Variants in TRPM3 observed in about 807,000 individuals in gnomAD.
The protein encoded by TRPM3 is long transient receptor potential channel 3.
TRPM3 carries 77 observed loss-of-function variants against 181.2 expected under a neutral mutation model. That is an observed-to-expected ratio of 0.42 (90% CI 0.35 to 0.51). The LOEUF (loss-of-function observed/expected upper bound fraction) is 0.51, where lower values mean the gene tolerates loss of function less well. Ranked by LOEUF, TRPM3 falls within the 20% of genes least tolerant of loss-of-function variation. The probability of loss-of-function intolerance (pLI) is 0.01; values close to 1 mark genes in which losing one functional copy is unlikely to be tolerated. For synonymous variants in TRPM3, 745 were observed against 796.4 expected, an observed-to-expected ratio of 0.94 and a Z score of 1.09; for missense variants, 1,759 against 2,196.7, an observed-to-expected ratio of 0.80 and a Z score of 3.98.
Position 71,441,430 on chromosome 9 carries a change from T to A in TRPM3, c.183+5223A>T, listed in dbSNP as rs1455357255. The stretch of plus-strand genomic sequence containing the variant: ...CTCTGCTTTCATCAGGAGAGCCCTT[T>A]GTGTAACAAGAACAAACTACTAAAG... On this transcript the variant is annotated intron_variant, in intron 1 of 24. Transcript: ENST00000357533. 2.0e-5 allele frequency among the ~76,000 whole-genome samples: 3 copies of A among 152,320 alleles called. No individual in the cohort carries two copies. In the East Asian group the frequency reaches 5.8e-4, roughly 29 times the overall value.
intron 1 of TRPM3, among the ~76,000 whole-genome samples, chr9:71,224,478 T>G (rs1341744673): frequency 6.6e-6 from 1 of 152,182 alleles, no homozygotes; most frequent in African/African-American, 2.4e-5. Flanking sequence ...GTATCTAATT[T>G]TTCAATGCCC....
At chr9:71,285,601 A>G (rs939750040) in intron 1 of TRPM3, among the ~76,000 whole-genome samples, 2 of 152,188 alleles carry the variant, frequency 1.3e-5, no homozygotes, top group African/African-American at 2.4e-5. Flanking sequence ...ATAAAAGGCC[A>G]TTTCATCTCA....
At chr9:70,975,856 C>T (rs1047793728) in intron 1 of TRPM3, among the ~76,000 whole-genome samples, 4 of 152,216 alleles carry the variant, frequency 2.6e-5, no homozygotes, top group African/African-American at 9.6e-5. Flanking sequence ...CCTAACTCCT[C>T]AAAGCCCAGG....
intron 1 of TRPM3, among the ~76,000 whole-genome samples, chr9:71,034,733 T>C (rs994782941): frequency 1.3e-5 from 2 of 151,778 alleles, no homozygotes; most frequent in Non-Finnish European, 2.9e-5. Flanking sequence ...TCAACAATGC[T>C]ACCAATTGGG....
intron 1 of TRPM3, among the ~76,000 whole-genome samples, chr9:71,021,894 G>C (rs1304471024): frequency 6.6e-6 from 1 of 152,096 alleles, no homozygotes; most frequent in Non-Finnish European, 1.5e-5. Context: ...ATTCAAAGTT[G>C]ATAAACCAAG....
chr9:71,220,928 G>A (rs557300231), intron 1 of TRPM3, among the ~76,000 whole-genome samples: 1 of 151,972 alleles, frequency 6.6e-6, no homozygotes, highest in South Asian at 2.1e-4. Context: ...ATGCAAATCA[G>A]TTGTTTTCAT....
intron 22 of TRPM3, among the ~76,000 whole-genome samples, chr9:70,578,751 T>C (rs930416185): frequency 1.3e-5 from 2 of 152,262 alleles, no homozygotes; most frequent in South Asian, 4.1e-4. Flanking sequence ...CTACATTGTG[T>C]CATCTCTTTC....
intron 1 of TRPM3, among the ~76,000 whole-genome samples, chr9:71,065,654 C>T (rs1329244818): frequency 6.6e-6 from 1 of 152,164 alleles, no homozygotes; most frequent in Non-Finnish European, 1.5e-5. Context: ...TATCACTCAT[C>T]AAATCACTTC....
At chr9:71,092,882 T>TG (rs1299343353) in intron 1 of TRPM3, among the ~76,000 whole-genome samples, 1 of 152,148 alleles carries the variant, frequency 6.6e-6, no homozygotes, top group Non-Finnish European at 1.5e-5. Context: ...AGCATGGTAC[T>TG]GGTACCAAAA....
chr9:70,884,827 T>C (rs1589522240), intron 1 of TRPM3, among the ~76,000 whole-genome samples: 1 of 152,196 alleles, frequency 6.6e-6, no homozygotes, highest in Non-Finnish European at 1.5e-5. Context: ...GAGGCAAAAC[T>C]CCTGCTAAAA....
chr9:71,020,409 T>C (rs1237032158), intron 1 of TRPM3, among the ~76,000 whole-genome samples: 2 of 151,778 alleles, frequency 1.3e-5, no homozygotes, highest in Admixed American at 6.6e-5. Flanking sequence ...GCCCAGGAGA[T>C]TGAGGCTATG....
At chr9:71,122,371 T>G (rs1005233585), upstream of TRPM3, among the ~76,000 whole-genome samples, 1 of 152,212 alleles carries the variant, frequency 6.6e-6, no homozygotes, top group African/African-American at 2.4e-5. Context: ...TAATTTCACA[T>G]AGTAAGTTGG....
intron 1 of TRPM3, among the ~76,000 whole-genome samples, chr9:71,406,909 G>T (rs1234561433): frequency 6.6e-6 from 1 of 152,128 alleles, no homozygotes; most frequent in Non-Finnish European, 1.5e-5. Context: ...GGGGAATTCA[G>T]GGGCCAGTAT....
At chr9:71,005,596 C>T (rs1413074768) in intron 1 of TRPM3, among the ~76,000 whole-genome samples, 1 of 151,982 alleles carries the variant, frequency 6.6e-6, no homozygotes, top group East Asian at 1.9e-4. Context: ...AGCAGAAACC[C>T]TGTAGGCTGA....
At chr9:70,985,397 G>A (rs1413619465) in intron 1 of TRPM3, among the ~76,000 whole-genome samples, 2 of 152,104 alleles carry the variant, frequency 1.3e-5, no homozygotes, top group African/African-American at 4.8e-5. Flanking sequence ...TGAGGAAGAG[G>A]CCAACAAAAT....
intron 8 of TRPM3, among the ~76,000 whole-genome samples, chr9:70,686,702 CTTCCTTCCTTCCT>C: frequency 1.0e-5 from 1 of 96,106 alleles, no homozygotes; most frequent in East Asian, 2.8e-4. Flanking sequence ...TCCTTCCTTC[CTTCCTTCCTTCCT>C]TCCTTCCTTC....
chr9:70,787,763 C>CTTTTTTTTTTTTTTTTTTTTCTTTTTTA (rs2084054300), intron 6 of TRPM3, among the ~76,000 whole-genome samples: 1 of 68,558 alleles, frequency 1.5e-5, no homozygotes, highest in African/African-American at 5.8e-5. Context: ...TTTTTGGATT[C>CTTTTTTTTTTTTTTTTTTTTCTTTTTTA]TTTTTTTTTT....
At chr9:70,667,472 T>C (rs1048030738) in intron 9 of TRPM3, among the ~76,000 whole-genome samples, 3 of 152,198 alleles carry the variant, frequency 2.0e-5, no homozygotes, top group African/African-American at 7.2e-5. Flanking sequence ...TCCTTCCCCT[T>C]GCATGGCCCT....
At chr9:70,555,235 C>T (rs886247599) in intron 22 of TRPM3, among the ~76,000 whole-genome samples, 2 of 152,346 alleles carry the variant, frequency 1.3e-5, no homozygotes, top group African/African-American at 4.8e-5. Context: ...CTTTAGTGCT[C>T]ACCTGGCTTT....
Sources: gnomAD v4.1 joint callset for allele counts (sites outside exome capture counted in the v4.1 genomes callset) on GRCh38, gnomAD v4.1.1 for gene constraint, MANE v1.5 for transcripts, NCBI Gene and HGNC (gene_info 2026-07-23, HGNC 2026-07-21) for gene names.